WDR12: variants seen among roughly 807,000 people sequenced by gnomAD.
WDR12 encodes the protein ribosome biogenesis protein WDR12.
In WDR12, 42 loss-of-function variants were observed where a neutral mutation model predicts 64.3. The ratio of observed to expected loss-of-function variants is 0.65; its 90% confidence interval spans 0.51 to 0.84. The LOEUF is 0.84. WDR12 is among the 40% of genes least tolerant of loss of function. WDR12 has a pLI of 0.00. For synonymous variants in WDR12, 158 were observed against 173.3 expected, an observed-to-expected ratio of 0.91 and a Z score of 0.70; for missense variants, 469 against 494.6, an observed-to-expected ratio of 0.95 and a Z score of 0.49.
In WDR12 at chr2:202,887,798, G is replaced by C. The variant is rs1688075262; in HGVS notation, c.742-3263C>G. Among the ~76,000 whole-genome samples, 3 of 150,388 alleles carry C rather than the reference G, an allele frequency of 2.0e-5. No individual in the cohort carries two copies. The South Asian group carries it at 6.3e-4, about 32-fold the overall frequency. On this transcript the variant is annotated intron_variant, in intron 8 of 12. Transcript: ENST00000261015. ...AGCTACTCGGGAGGCTGAGGCAGGA[G>C]AATGGCGTGAACCCGGGAAGCGGAG...
In WDR12 at chr2:202,879,887, G is replaced by C. The variant is rs148513392; in HGVS notation, c.*973C>G. 6.6e-6 allele frequency: 1 copy of C among 151,888 alleles called. No homozygotes were observed. Among genetic ancestry groups the C allele is most frequent in the African/African-American group, 2.4e-5 (1 of 41,298 alleles). 9.4% of individuals were successfully genotyped at this position (151,888 alleles called of 1,614,324 possible). On this transcript the variant is annotated 3_prime_UTR_variant, in exon 13 of 13. Coordinates refer to ENST00000261015, the MANE Select transcript of WDR12 (RefSeq NM_018256.4). ...CTCCCAAGTAGTTGGGATTACAGGCGGTCGCCACCATGCCCAGCTAATTTT... is the reference window on the plus strand; with the variant it reads ...CTCCCAAGTAGTTGGGATTACAGGCCGTCGCCACCATGCCCAGCTAATTTT...
chr2:202,895,884 T>A (rs965672265), intron 6 of WDR12, 181 bp downstream of exon 6: 6 of 647,344 alleles, frequency 9.3e-6, no homozygotes, highest in African/African-American at 7.4e-5. Context: ...AACCAGGGAT[T>A]CAAACTGAGC....
chr2:202,904,401 A>T (rs987799925), intron 2 of WDR12, among the ~76,000 whole-genome samples: 1 of 152,184 alleles, frequency 6.6e-6, no homozygotes, highest in Non-Finnish European at 1.5e-5. Flanking sequence ...TTAAGCAAAA[A>T]GAACAAACTT....
chr2:202,894,639 A>G lies in WDR12; in HGVS notation c.610-13T>C. On this transcript the variant is annotated splice_polypyrimidine_tract_variant and intron_variant, in intron 6 of 12. Coordinates refer to ENST00000261015, the MANE Select transcript of WDR12 (RefSeq NM_018256.4). ...AGCCACTGCAAAACTAAACAGATGT[A>G]TATGAAGGGAAAAGACATATGTAAT... 6.2e-7 allele frequency: 1 copy of G among 1,603,384 alleles called. No individual in the cohort carries two copies.
At chr2:202,893,282 ATAT>A (rs1258712490) in intron 7 of WDR12, among the ~76,000 whole-genome samples, 1 of 152,174 alleles carries the variant, frequency 6.6e-6, no homozygotes, top group Non-Finnish European at 1.5e-5. Context: ...AGTAACATGC[ATAT>A]TATGTTACAT....
chr2:202,891,325 T>A (rs941499853), intron 8 of WDR12, among the ~76,000 whole-genome samples: 10 of 152,312 alleles, frequency 6.6e-5, no homozygotes, highest in East Asian at 3.9e-4. Context: ...TTTTAAAAAA[T>A]TTTTTGTAGA....
intron 2 of WDR12, among the ~76,000 whole-genome samples, chr2:202,903,070 C>T (rs1431067925): frequency 1.3e-5 from 2 of 152,106 alleles, no homozygotes; most frequent in African/African-American, 4.8e-5. Context: ...CAGAGCAAGA[C>T]TCCGTCTCAA....
intron 2 of WDR12, 33 bp from the exon 3 acceptor site, chr2:202,901,152 T>C (rs1350601122): frequency 2.6e-6 from 4 of 1,535,070 alleles, no homozygotes; most frequent in Non-Finnish European, 3.6e-6. Context: ...TTATCACTCT[T>C]AGTGTCTAAA....
intron 8 of WDR12, among the ~76,000 whole-genome samples, chr2:202,888,439 C>G (rs1311627941): frequency 6.6e-6 from 1 of 152,058 alleles, no homozygotes; most frequent in Non-Finnish European, 1.5e-5. Context: ...GTGAATTTTC[C>G]TCTAATAAAA....
In WDR12 at chr2:202,896,224, A is replaced by G. The variant is rs1454081111; in HGVS notation, c.455-5T>C. 6.2e-7 allele frequency: 1 copy of G among 1,611,948 alleles called. No individual in the cohort carries two copies. The highest frequency in any genetic ancestry group is 1.3e-5 in the African/African-American group (1 of 74,870). On this transcript the variant is annotated splice_region_variant and splice_polypyrimidine_tract_variant and intron_variant, in intron 5 of 12. Coordinates refer to ENST00000261015, the MANE Select transcript of WDR12 (RefSeq NM_018256.4). Reference sequence around the variant, plus strand: ...ATAATAAGCAGGACAAACTATCTGGAGAAAGGAGAACACAAGAATAAGAAA... The same window carrying G: ...ATAATAAGCAGGACAAACTATCTGGGGAAAGGAGAACACAAGAATAAGAAA...
In WDR12 at chr2:202,899,773, C is replaced by G. The variant is rs558300630; in HGVS notation, c.232-136G>C. 21 of 701,952 alleles carry G rather than the reference C, an allele frequency of 3.0e-5. No homozygotes were observed. The African/African-American group carries it at 3.6e-4, about 12-fold the overall frequency. The allele number at this position is 701,952 out of a possible 1,614,324, so 43.5% of individuals were successfully genotyped here. A position where few individuals can be genotyped will look rare whatever the true frequency, so the allele number is the denominator to read the frequency against. ...CCTTTATAACTCAGCAAATTTGGAG[C>G]CATTCAAAAAGTCAAGAACTTTATT... On this transcript the variant is annotated intron_variant, in intron 3 of 12. Coordinates refer to ENST00000261015, the MANE Select transcript of WDR12 (RefSeq NM_018256.4).
At chr2:202,907,739 TA>T in intron 2 of WDR12, 125 bp downstream of exon 2, 2 of 705,362 alleles carry the variant, frequency 2.8e-6, no homozygotes, top group East Asian at 5.6e-5. Context: ...ACCTGTACTT[TA>T]TAACTTACAA....
At chr2:202,881,314 T>C (rs1687944533) in intron 12 of WDR12, among the ~76,000 whole-genome samples, 1 of 152,228 alleles carries the variant, frequency 6.6e-6, no homozygotes, top group African/African-American at 2.4e-5. Flanking sequence ...GGCCTTATAT[T>C]TGGAAAGAAT....
Position 202,894,636 on chromosome 2 carries a change from T to C in WDR12, c.610-10A>G, listed in dbSNP as rs1348914343. 2.5e-6 allele frequency: 4 copies of C among 1,605,328 alleles called. No homozygotes were observed. The highest frequency in any genetic ancestry group is 3.4e-5 in the Admixed American group (2 of 58,828). ...AGGAGCCACTGCAAAACTAAACAGA[T>C]GTATATGAAGGGAAAAGACATATGT... On this transcript the variant is annotated splice_polypyrimidine_tract_variant and intron_variant, in intron 6 of 12. Coordinates refer to ENST00000261015, the MANE Select transcript of WDR12 (RefSeq NM_018256.4).
rs779419072 is a variant in WDR12, at chr2:202,899,032, G to GTTTTTTTTTTT, written c.338+488_338+498dup. 4.1e-5 allele frequency among the ~76,000 whole-genome samples: 3 copies of GTTTTTTTTTTT among 73,676 alleles called. 1 individual carries two copies. The highest frequency in any genetic ancestry group is 1.6e-4 in the African/African-American group (3 of 18,514). 48.3% of individuals were successfully genotyped at this position (73,676 alleles called of 152,430 possible). On this transcript the variant is annotated intron_variant, in intron 4 of 12. Coordinates refer to ENST00000261015, the MANE Select transcript of WDR12 (RefSeq NM_018256.4). The stretch of plus-strand genomic sequence containing the variant: ...GAGTACCTATTAATAAATACCTGTG[G>GTTTTTTTTTTT]TTTTTTTTTTTTTTTTTTTTTTTTT...
intron 8 of WDR12, among the ~76,000 whole-genome samples, chr2:202,885,682 A>C (rs191183997): frequency 7.4e-4 from 112 of 152,310 alleles, no homozygotes; most frequent in Middle Eastern, 3.4e-3. Context: ...AATACTCCAC[A>C]ATCTCTAATG....
At chr2:202,899,986 T>C (rs1042046183) in intron 3 of WDR12, among the ~76,000 whole-genome samples, 3 of 151,952 alleles carry the variant, frequency 2.0e-5, no homozygotes, top group African/African-American at 7.3e-5. Flanking sequence ...AAAGAAGAAA[T>C]ATTAATCGCC....
chr2:202,875,045 T>C lies in WDR12; in HGVS notation c.*5815A>G, dbSNP rs1333066781. 6.6e-6 allele frequency: 1 copy of C among 152,206 alleles called. No homozygotes were observed. The highest frequency in any genetic ancestry group is 1.5e-5 in the Non-Finnish European group (1 of 68,028). The allele number at this position is 152,206 out of a possible 1,614,324, so 9.4% of individuals were successfully genotyped here. ...TATCAGATAGTACCTAACAAGATACTTTCTCTGTAGTCTTTATTACTCAGA... is the reference window on the plus strand; with the variant it reads ...TATCAGATAGTACCTAACAAGATACCTTCTCTGTAGTCTTTATTACTCAGA... On this transcript the variant is annotated 3_prime_UTR_variant, in exon 13 of 13. Transcript: ENST00000261015.
chr2:202,884,578 A>G, intron 8 of WDR12, 43 bp from the exon 9 acceptor site: 1 of 1,568,692 alleles, frequency 6.4e-7, no homozygotes, highest in Admixed American at 2.0e-5. Context: ...TTTTCATTAC[A>G]GAATAATTGA....
Sources: allele counts gnomAD v4.1 joint callset (sites outside exome capture counted in the v4.1 genomes callset), GRCh38; gene constraint gnomAD v4.1.1; transcripts MANE v1.5; gene names NCBI Gene and HGNC (gene_info 2026-07-23, HGNC 2026-07-21).